Variants in HDAC4 observed in about 807,000 individuals in gnomAD.
HDAC4 encodes the protein histone deacetylase 4.
In HDAC4, 16 loss-of-function variants were observed where a neutral mutation model predicts 135.1. The observed-to-expected ratio is 0.12, with a 90% CI of 0.08 to 0.18. The LOEUF is 0.18. HDAC4 is among the 10% of genes least tolerant of loss of function. The probability of loss-of-function intolerance (pLI) is 1.00; values close to 1 mark genes in which losing one functional copy is unlikely to be tolerated. For synonymous variants in HDAC4, 685 were observed against 653.4 expected (o/e 1.05, Z -0.74); for missense variants, 1,143 against 1,511.8 (o/e 0.76, Z 4.05).
At chr2:239,296,152 G>A (rs989116379) in intron 2 of HDAC4, among the ~76,000 whole-genome samples, 4 of 152,216 alleles carry the variant, frequency 2.6e-5, no homozygotes, top group African/African-American at 4.8e-5. Flanking sequence ...AGGCTGACCT[G>A]GAGCCGTGTC....
At chr2:239,053,246 C>A in intron 26 of HDAC4, 110 bp from the exon 27 acceptor site, 1 of 1,454,148 alleles carries the variant, frequency 6.9e-7, no homozygotes, top group Admixed American at 1.9e-5. Flanking sequence ...GCCAGCCTAG[C>A]CCTGGCCTGG....
chr2:239,303,486 C>T lies in HDAC4; in HGVS notation c.22+49192G>A, dbSNP rs1006015183. ...GCACCCCACGAACAAGACACGGCAG[C>T]GTGCTTCCTCGATCTCCCCGCTCCT... On this transcript the variant is annotated intron_variant, in intron 2 of 26. Transcript: ENST00000543185. This position sits in a 1 kb window ranked among gnomAD's most constrained non-coding sequence, Gnocchi z 5.1. Among the ~76,000 whole-genome samples, 1 of 152,126 alleles carries T rather than the reference C, an allele frequency of 6.6e-6. No homozygotes were observed. Among genetic ancestry groups the T allele is most frequent in the African/African-American group, 2.4e-5 (1 of 41,426 alleles).
At chr2:239,089,389 C>T (rs990117023) in intron 18 of HDAC4, among the ~76,000 whole-genome samples, 5 of 152,110 alleles carry the variant, frequency 3.3e-5, no homozygotes, top group Admixed American at 2.0e-4. Context: ...AGTGCAATGG[C>T]GTGACTCGGC....
Position 239,189,980 on chromosome 2 carries a change from C to T in HDAC4, c.192G>A (p.Pro64=), listed in dbSNP as rs369467154. The T allele has an allele frequency of 5.0e-5, 81 of 1,607,376 alleles. No individual in the cohort carries two copies. Among genetic ancestry groups the T allele is most frequent in the South Asian group, 1.3e-4 (12 of 91,056 alleles). The change falls in exon 4 of 27, where the codon CCG becomes CCA. Residue 64 remains proline, a synonymous_variant. Coordinates refer to ENST00000543185, the MANE Select transcript of HDAC4 (RefSeq NM_001378414.1). The part of the protein sequence containing the change: ...DHQFSLPVAE[P]ALREQQLQQE... ...GCTGCAGCTGCTGCTCCCGCAGGGCCGGCTCTGCCACAGGCAGTGAGAACT... is the reference window on the plus strand; with the variant it reads ...GCTGCAGCTGCTGCTCCCGCAGGGCTGGCTCTGCCACAGGCAGTGAGAACT...
rs546331223 is a variant in HDAC4 at position 239,358,313 on chromosome 2, C to T, written c.-219-5395G>A. ...CGCTGTGTTATTAGTCCCATACTGC[C>T]ACCATTGGTGTTGGTGCTAAAGCGC... is the stretch of plus-strand genomic sequence containing the variant. On this transcript the variant is annotated intron_variant, in intron 1 of 26. Transcript: ENST00000543185. Among the ~76,000 whole-genome samples the T allele has an allele frequency of 1.8e-4, 27 of 152,244 alleles. 1 individual carries two copies. The highest frequency in any genetic ancestry group is 4.4e-5 in the Non-Finnish European group (3 of 68,048).
intron 2 of HDAC4, among the ~76,000 whole-genome samples, chr2:239,327,760 C>A (rs1219270998): frequency 6.6e-6 from 1 of 152,180 alleles, no homozygotes; most frequent in African/African-American, 2.4e-5. Flanking sequence ...GCCCTGCAGG[C>A]CCTCGGAAAC....
rs920796744 is a variant in HDAC4, at chr2:239,374,505, G to A, written c.-219-21587C>T. 3.0e-5 allele frequency among the ~76,000 whole-genome samples: 4 copies of A among 132,570 alleles called. No homozygotes were observed. The East Asian group carries it at 7.2e-4, about 24-fold the overall frequency. 87.0% of individuals were successfully genotyped at this position (132,570 alleles called of 152,430 possible). Reference sequence around the variant, plus strand: ...TGCAAGCTCCGCCTCCCGGGTTCACGCCATTCTCCTGCCTCAGCCTCCCAA... The same window carrying A: ...TGCAAGCTCCGCCTCCCGGGTTCACACCATTCTCCTGCCTCAGCCTCCCAA... On this transcript the variant is annotated intron_variant, in intron 1 of 26. Transcript: ENST00000543185.
At chr2:239,113,411 C>T (rs931169109) in intron 13 of HDAC4, among the ~76,000 whole-genome samples, 1 of 152,220 alleles carries the variant, frequency 6.6e-6, no homozygotes, top group East Asian at 1.9e-4. Context: ...GTGGGCCCCA[C>T]GCGGTTAAGT....
At chr2:239,301,938 G>C (rs1426218428) in intron 2 of HDAC4, among the ~76,000 whole-genome samples, 3 of 152,082 alleles carry the variant, frequency 2.0e-5, no homozygotes, top group African/African-American at 7.2e-5. Context: ...GCCTAAGACT[G>C]ATGGTACAAG....
At chr2:239,372,632 G>A (rs1025631912) in intron 1 of HDAC4, among the ~76,000 whole-genome samples, 3 of 152,238 alleles carry the variant, frequency 2.0e-5, no homozygotes, top group Non-Finnish European at 4.4e-5. Context: ...CAGAGTGTAC[G>A]CGGCAACACG....
At chr2:239,152,808 A>G (rs898388034) in intron 7 of HDAC4, among the ~76,000 whole-genome samples, 4 of 152,298 alleles carry the variant, frequency 2.6e-5, no homozygotes, top group African/African-American at 9.6e-5. Context: ...GGCAGTTACC[A>G]GTCATTGGAT....
chr2:239,305,226 C>T (rs1467185416), intron 2 of HDAC4, among the ~76,000 whole-genome samples: 1 of 152,242 alleles, frequency 6.6e-6, no homozygotes, highest in Non-Finnish European at 1.5e-5. Context: ...ATGGCCATGA[C>T]CAAGCAGTCG....
At chr2:239,290,065 C>T (rs1293206189) in intron 2 of HDAC4, among the ~76,000 whole-genome samples, 4 of 152,184 alleles carry the variant, frequency 2.6e-5, no homozygotes, top group African/African-American at 9.7e-5. Context: ...AAAAAGGCAT[C>T]AAGAGTTAAT....
At chr2:239,370,897 C>T (rs1694561664) in intron 1 of HDAC4, among the ~76,000 whole-genome samples, 1 of 152,262 alleles carries the variant, frequency 6.6e-6, no homozygotes, top group South Asian at 2.1e-4. Context: ...GAAGGACCAA[C>T]ATGCCCCTCA....
At chr2:239,332,068 C>T (rs1691621241) in intron 2 of HDAC4, among the ~76,000 whole-genome samples, 1 of 152,178 alleles carries the variant, frequency 6.6e-6, no homozygotes, top group African/African-American at 2.4e-5. Flanking sequence ...AATTCTAAAT[C>T]TGCCTAGGCT....
chr2:239,156,510 C>T (rs991829066), intron 7 of HDAC4, 142 bp downstream of exon 7: 6 of 1,006,708 alleles, frequency 6.0e-6, no homozygotes, highest in Non-Finnish European at 9.2e-6. Context: ...AAAAACGATG[C>T]TCTATGAAAG....
chr2:239,290,331 G>A (rs966392857), intron 2 of HDAC4, among the ~76,000 whole-genome samples: 2 of 152,194 alleles, frequency 1.3e-5, no homozygotes, highest in Non-Finnish European at 2.9e-5. Flanking sequence ...AGAACCAACG[G>A]CACGTGACAT....
At chr2:239,258,418 G>T (rs563794963) in intron 2 of HDAC4, among the ~76,000 whole-genome samples, 60 of 152,148 alleles carry the variant, frequency 3.9e-4, no homozygotes, top group African/African-American at 1.4e-3. Flanking sequence ...GGAGGGGGAG[G>T]GGGGATTACC....
chr2:239,106,905 C>G (rs2038191344), intron 15 of HDAC4, among the ~76,000 whole-genome samples: 1 of 152,104 alleles, frequency 6.6e-6, no homozygotes, highest in Non-Finnish European at 1.5e-5. Context: ...TGTGGATGTT[C>G]CTGTCCACCC....
Sources: gnomAD v4.1 joint callset for allele counts (sites outside exome capture counted in the v4.1 genomes callset) on GRCh38, gnomAD v4.1.1 for gene constraint, Gnocchi (gnomAD v3.1) non-coding constraint, MANE v1.5 for transcripts, NCBI Gene and HGNC (gene_info 2026-07-23, HGNC 2026-07-21) for gene names.